DPYD: variants seen among roughly 807,000 people sequenced by gnomAD.
DPYD encodes the protein dihydropyrimidine dehydrogenase [NADP(+)].
A neutral mutation model predicts 116.2 loss-of-function variants in DPYD; 109 were observed. The observed-to-expected ratio is 0.94, with a 90% CI of 0.80 to 1.10. The LOEUF (loss-of-function observed/expected upper bound fraction) is 1.10. Among genes scored for constraint, DPYD ranks in the 50% least tolerant of loss-of-function variants. The probability of loss-of-function intolerance (pLI) is 0.00; values close to 1 mark genes in which losing one functional copy is unlikely to be tolerated. For missense variants in DPYD, 1,302 were observed against 1,254.5 expected (o/e 1.04, Z -0.57); for synonymous variants, 440 against 432.0 (o/e 1.02, Z -0.23).
intron 14 of DPYD, among the ~76,000 whole-genome samples, chr1:97,446,573 T>C (rs1213689361): frequency 6.6e-6 from 1 of 152,194 alleles, no homozygotes; most frequent in East Asian, 1.9e-4. Context: ...TTCTTCCTTA[T>C]TAATTTCTCT....
chr1:97,780,490 G>A (rs186268943), intron 3 of DPYD, among the ~76,000 whole-genome samples: 1 of 152,156 alleles, frequency 6.6e-6, no homozygotes, highest in Non-Finnish European at 1.5e-5. Flanking sequence ...TTTTAATCAA[G>A]AGAGTTCTTA....
At chr1:97,700,621 C>G (rs1450398758) in intron 5 of DPYD, among the ~76,000 whole-genome samples, 1 of 151,948 alleles carries the variant, frequency 6.6e-6, no homozygotes, top group Non-Finnish European at 1.5e-5. Flanking sequence ...AATAAGTCAA[C>G]CACAGTTTCT....
chr1:97,441,249 T>G (rs1675779654), intron 14 of DPYD, among the ~76,000 whole-genome samples: 1 of 152,128 alleles, frequency 6.6e-6, no homozygotes, highest in Non-Finnish European at 1.5e-5. Flanking sequence ...GTTTGTAGTT[T>G]TAGGCAAAAC....
intron 3 of DPYD, among the ~76,000 whole-genome samples, chr1:97,741,535 T>C (rs912438448): frequency 2.6e-5 from 4 of 152,200 alleles, no homozygotes; most frequent in Non-Finnish European, 5.9e-5. Context: ...AACAACATTC[T>C]ATAATTATTC....
chr1:97,084,937 T>C (rs1649410999), intron 21 of DPYD, among the ~76,000 whole-genome samples: 1 of 152,190 alleles, frequency 6.6e-6, no homozygotes, highest in African/African-American at 2.4e-5. Context: ...ATAAATTTTA[T>C]ATATCTATAC....
At chr1:97,459,966 T>G (rs1676925734) in intron 13 of DPYD, among the ~76,000 whole-genome samples, 1 of 152,152 alleles carries the variant, frequency 6.6e-6, no homozygotes, top group Admixed American at 6.5e-5. Context: ...AATAGTCACC[T>G]TTCGAGGGAG....
At chr1:97,160,163 G>T (rs970384517) in intron 20 of DPYD, among the ~76,000 whole-genome samples, 1 of 151,840 alleles carries the variant, frequency 6.6e-6, no homozygotes, top group Non-Finnish European at 1.5e-5. Flanking sequence ...TGTTGTGGTG[G>T]GCCTTCCAAG....
intron 16 of DPYD, chr1:97,322,698 A>G (rs1164010186): frequency 3.9e-5 from 6 of 152,014 alleles, no homozygotes; most frequent in Non-Finnish European, 8.8e-5. Context: ...CTCTATTTTA[A>G]TCTTTCAGGT....
At chr1:97,656,193 T>C (rs540405726) in intron 8 of DPYD, among the ~76,000 whole-genome samples, 2 of 152,316 alleles carry the variant, frequency 1.3e-5, no homozygotes, top group East Asian at 1.9e-4. Flanking sequence ...GAGCAGTTGT[T>C]CTGGCAGCCC....
intron 14 of DPYD, among the ~76,000 whole-genome samples, chr1:97,385,008 G>T (rs775119307): frequency 6.6e-6 from 1 of 151,944 alleles, no homozygotes; most frequent in African/African-American, 2.4e-5. Flanking sequence ...GAATTGGGGA[G>T]AAAAATGTAA....
At chr1:97,696,375 G>A (rs1661307059) in intron 6 of DPYD, among the ~76,000 whole-genome samples, 1 of 152,066 alleles carries the variant, frequency 6.6e-6, no homozygotes, top group Non-Finnish European at 1.5e-5. Flanking sequence ...GTATAAATCT[G>A]TTGCTTAGAA....
At chr1:97,681,033 T>C (rs1374126851) in intron 7 of DPYD, among the ~76,000 whole-genome samples, 1 of 152,166 alleles carries the variant, frequency 6.6e-6, no homozygotes, top group Non-Finnish European at 1.5e-5. Context: ...AACTGGTAAT[T>C]ACAGCTACAC....
chr1:97,708,027 GA>G (rs1662079459), intron 5 of DPYD, among the ~76,000 whole-genome samples: 1 of 151,840 alleles, frequency 6.6e-6, no homozygotes, highest in Non-Finnish European at 1.5e-5. Context: ...GTTTTGAGAT[GA>G]GAGTCTCACT....
At chr1:97,804,950 T>C (rs191332685) in intron 3 of DPYD, among the ~76,000 whole-genome samples, 1 of 152,010 alleles carries the variant, frequency 6.6e-6, no homozygotes, top group Admixed American at 6.6e-5. Context: ...ATAAAAAAGA[T>C]AAATACTAAT....
chr1:97,234,562 A>G (rs999975731), intron 19 of DPYD, among the ~76,000 whole-genome samples: 4 of 152,124 alleles, frequency 2.6e-5, no homozygotes, highest in Non-Finnish European at 5.9e-5. Flanking sequence ...TTGTTTTTCC[A>G]GGAGGACAGT....
intron 12 of DPYD, among the ~76,000 whole-genome samples, chr1:97,539,466 A>G (rs1650266113): frequency 6.6e-6 from 1 of 152,078 alleles, no homozygotes; most frequent in Admixed American, 6.6e-5. Context: ...CCTTCTATTA[A>G]TAACTCTTAT....
intron 21 of DPYD, among the ~76,000 whole-genome samples, chr1:97,094,670 G>A (rs1225116290): frequency 6.6e-6 from 1 of 152,092 alleles, no homozygotes; most frequent in Non-Finnish European, 1.5e-5. Flanking sequence ...AGACGATGCA[G>A]GTGGAGGTGA....
chr1:97,584,905 A>T (rs971741749), intron 10 of DPYD, among the ~76,000 whole-genome samples: 1 of 150,262 alleles, frequency 6.7e-6, no homozygotes, highest in Non-Finnish European at 1.5e-5. Flanking sequence ...CATATGTAAC[A>T]AACCTGCACG....
intron 10 of DPYD, among the ~76,000 whole-genome samples, chr1:97,582,705 A>C (rs568191316): frequency 1.1e-4 from 16 of 152,330 alleles, no homozygotes; most frequent in South Asian, 4.1e-4. Flanking sequence ...TACAGGCTTC[A>C]TTCACATATA....
Sources: allele counts gnomAD v4.1 joint callset (sites outside exome capture counted in the v4.1 genomes callset), GRCh38; gene constraint gnomAD v4.1.1; transcripts MANE v1.5; gene names NCBI Gene and HGNC (gene_info 2026-07-23, HGNC 2026-07-21).